Variants in FLNB observed in about 807,000 individuals in gnomAD.
The protein encoded by FLNB is filamin-B.
FLNB carries 111 observed loss-of-function variants against 250.6 expected under a neutral mutation model. The observed-to-expected ratio is 0.44, with a 90% CI of 0.38 to 0.52. The LOEUF is 0.52. FLNB is among the 20% of genes least tolerant of loss of function. The probability of loss-of-function intolerance (pLI) is 0.00; values close to 1 mark genes in which losing one functional copy is unlikely to be tolerated. For synonymous variants in FLNB, 1,302 were observed against 1,372.1 expected (o/e 0.95, Z 1.13); for missense variants, 2,869 against 3,447.8 (o/e 0.83, Z 4.20).
chr3:58,131,490 T>C (rs1029776651), intron 25 of FLNB, among the ~76,000 whole-genome samples: 3 of 152,202 alleles, frequency 2.0e-5, no homozygotes, highest in Non-Finnish European at 4.4e-5. Flanking sequence ...CTGAAGTGCA[T>C]TGGAACTTGC....
At chr3:58,109,442 T>C in intron 14 of FLNB, 120 bp downstream of exon 14, 1 of 1,591,468 alleles carries the variant, frequency 6.3e-7, no homozygotes, top group Admixed American at 1.7e-5. Context: ...TGGTGGGCCT[T>C]GAATGATGGA....
intron 2 of FLNB, among the ~76,000 whole-genome samples, chr3:58,077,662 C>T (rs989614623): frequency 6.6e-6 from 1 of 152,204 alleles, no homozygotes; most frequent in Non-Finnish European, 1.5e-5. Flanking sequence ...TATTAGGTGG[C>T]TTGGCATGAA....
At chr3:58,064,230 T>C (rs1323589531) in intron 1 of FLNB, among the ~76,000 whole-genome samples, 2 of 152,164 alleles carry the variant, frequency 1.3e-5, no homozygotes, top group African/African-American at 2.4e-5. Flanking sequence ...AACCTCCACC[T>C]CCCGGGTTCA....
chr3:58,159,115 G>C (rs1371780840), intron 41 of FLNB, among the ~76,000 whole-genome samples: 1 of 152,034 alleles, frequency 6.6e-6, no homozygotes, highest in African/African-American at 2.4e-5. Flanking sequence ...TGTTCCTCCA[G>C]GTCTGCCCTT....
chr3:58,036,290 G>A (rs1467707883), intron 1 of FLNB, among the ~76,000 whole-genome samples: 1 of 152,186 alleles, frequency 6.6e-6, no homozygotes, highest in Non-Finnish European at 1.5e-5. Flanking sequence ...GAAAGAGTAA[G>A]TCACCCAGAG....
rs779370264 is a variant in FLNB, at chr3:58,008,737, G to T, written c.173G>T (p.Ser58Ile). 9 of 1,614,178 alleles carry T rather than the reference G, an allele frequency of 5.6e-6. No individual in the cohort carries two copies. In the South Asian group the frequency reaches 8.8e-5, roughly 16 times the overall value. The part of the protein sequence containing the change: ...LRLIALLEVL[S>I]QKRMYRKYHQ... ...CTCATCGCGCTGCTCGAGGTGCTCAGCCAGAAGCGCATGTACCGCAAGTAC... is the reference window on the plus strand; with the variant it reads ...CTCATCGCGCTGCTCGAGGTGCTCATCCAGAAGCGCATGTACCGCAAGTAC... The change falls in exon 1 of 46, where the codon AGC becomes ATC. Residue 58 changes from serine (S) to isoleucine (I), a missense_variant. Physicochemically the swap from Ser to Ile is moderately radical, Grantham distance 142. Transcript: ENST00000295956.
intron 1 of FLNB, among the ~76,000 whole-genome samples, chr3:58,037,167 C>T (rs1301047632): frequency 6.7e-6 from 1 of 149,276 alleles, no homozygotes; most frequent in Non-Finnish European, 1.5e-5. Context: ...AGAGTTCAAG[C>T]AATTCTCCTG....
chr3:58,158,287 A>T (rs1218074807), intron 41 of FLNB, among the ~76,000 whole-genome samples: 2 of 152,240 alleles, frequency 1.3e-5, no homozygotes, highest in African/African-American at 4.8e-5. Flanking sequence ...GTGACTATTG[A>T]ACATCTGAAA....
rs750417729 is a variant in FLNB at position 58,093,413 on chromosome 3, TG to T, written c.788-1422del. 7.2e-5 allele frequency among the ~76,000 whole-genome samples: 11 copies of T among 152,276 alleles called. No homozygotes were observed. In the East Asian group the frequency reaches 9.6e-4, roughly 13 times the overall value. ...GAGACTACAGTTCCTCTCCCTTCCC[TG>T]TAGGATGGGGAGTGGGGCCGAAAGT... On this transcript the variant is annotated intron_variant, in intron 4 of 45. Coordinates refer to ENST00000295956, the MANE Select transcript of FLNB (RefSeq NM_001457.4).
chr3:58,100,682 C>A (rs970893362), intron 8 of FLNB, among the ~76,000 whole-genome samples: 1 of 147,148 alleles, frequency 6.8e-6, no homozygotes, highest in African/African-American at 2.5e-5. Context: ...ACTGCAGCTT[C>A]TGCTTCCCTG....
chr3:58,030,210 C>T (rs1045712479), intron 1 of FLNB, among the ~76,000 whole-genome samples: 1 of 152,064 alleles, frequency 6.6e-6, no homozygotes. Context: ...TGGGGTGAAT[C>T]GGATAGCAAG....
intron 40 of FLNB, 109 bp from the exon 41 acceptor site, chr3:58,155,851 C>T: frequency 1.4e-6 from 1 of 739,906 alleles, no homozygotes. Context: ...CAGCTGTGGC[C>T]ATTGAGGAGG....
At chr3:58,168,725 A>T in intron 44 of FLNB, 67 bp downstream of exon 44, 1 of 1,148,756 alleles carries the variant, frequency 8.7e-7, no homozygotes, top group Non-Finnish European at 1.3e-6. Flanking sequence ...GATCAATCAT[A>T]GTGGAAACTA....
intron 1 of FLNB, among the ~76,000 whole-genome samples, chr3:58,040,696 C>A (rs1264676936): frequency 3.3e-5 from 5 of 152,014 alleles, no homozygotes; most frequent in Admixed American, 3.3e-4. Flanking sequence ...GGTTTCACCA[C>A]GTTGGCCAGG....
intron 29 of FLNB, among the ~76,000 whole-genome samples, 161 bp from the exon 30 acceptor site, chr3:58,141,697 A>G (rs1463093141): frequency 2.0e-5 from 3 of 152,206 alleles, no homozygotes; most frequent in Non-Finnish European, 4.4e-5. Flanking sequence ...AGAGGACACC[A>G]ACTGCCTTCC....
intron 43 of FLNB, 196 bp downstream of exon 43, chr3:58,163,526 G>C: frequency 1.7e-6 from 1 of 603,186 alleles, no homozygotes. Flanking sequence ...TCCAGAGTGA[G>C]AGCTCGATGG....
At position 58,164,642 on chromosome 3, in the gene FLNB, G is replaced by C. The variant is rs188383844; in HGVS notation, c.7198+1312G>C. On this transcript the variant is annotated intron_variant, in intron 43 of 45. Transcript: ENST00000295956. The surrounding 1 kb of genome is among the most constrained non-coding windows in gnomAD (Gnocchi z 4.0). ...GCCCGGGACTCTGGCCAAAGCAGTG[G>C]CCTCAGCAAAGCCACCCACAGGGGT... 4 of 152,378 alleles carry C rather than the reference G, an allele frequency of 2.6e-5. No individual in the cohort carries two copies. Among genetic ancestry groups the C allele is most frequent in the African/African-American group, 9.6e-5 (4 of 41,568 alleles). 9.4% of individuals were successfully genotyped at this position (152,378 alleles called of 1,614,324 possible).
chr3:58,084,037 C>T (rs979979537), intron 4 of FLNB, among the ~76,000 whole-genome samples: 1 of 151,824 alleles, frequency 6.6e-6, no homozygotes, highest in Non-Finnish European at 1.5e-5. Flanking sequence ...ACTAAAAATA[C>T]AAAAATTAGC....
intron 3 of FLNB, among the ~76,000 whole-genome samples, chr3:58,080,083 GT>G (rs1424939679): frequency 6.6e-6 from 1 of 152,202 alleles, no homozygotes; most frequent in Non-Finnish European, 1.5e-5. Flanking sequence ...CATGGGTGAA[GT>G]TGTTGAAGGA....
Sources: gnomAD v4.1 joint callset for allele counts (sites outside exome capture counted in the v4.1 genomes callset) on GRCh38, gnomAD v4.1.1 for gene constraint, Gnocchi (gnomAD v3.1) non-coding constraint, MANE v1.5 for transcripts, NCBI Gene and HGNC (gene_info 2026-07-23, HGNC 2026-07-21) for gene names.